OTUD7B: variants seen among roughly 807,000 people sequenced by gnomAD.
OTUD7B encodes OTU domain-containing protein 7B.
OTUD7B carries 34 observed loss-of-function variants against 82.2 expected under a neutral mutation model. The observed-to-expected ratio is 0.41, with a 90% CI of 0.31 to 0.55. OTUD7B has a LOEUF of 0.55. Among genes scored for constraint, OTUD7B ranks in the 20% least tolerant of loss-of-function variants. The pLI is 0.20. For missense variants in OTUD7B, 944 were observed against 1,062.1 expected (o/e 0.89, Z 1.55); for synonymous variants, 398 against 402.7 (o/e 0.99, Z 0.14).
chr1:150,006,904 C>T (rs587762944), intron 1 of OTUD7B, among the ~76,000 whole-genome samples: 1 of 152,338 alleles, frequency 6.6e-6, no homozygotes, highest in East Asian at 1.9e-4. Flanking sequence ...GGATGCCTGC[C>T]TGATTCCTTG....
chr1:149,982,427 A>G (rs1553779925), intron 1 of OTUD7B, among the ~76,000 whole-genome samples: 1 of 152,006 alleles, frequency 6.6e-6, no homozygotes, highest in Non-Finnish European at 1.5e-5. Context: ...TATCTCTCGT[A>G]TTTATCAAAG....
At chr1:149,968,033 G>A (rs1348366133) in intron 3 of OTUD7B, among the ~76,000 whole-genome samples, 1 of 151,986 alleles carries the variant, frequency 6.6e-6, no homozygotes, top group African/African-American at 2.4e-5. Context: ...GGAGGCCAAG[G>A]CAGGTGGATC....
the OTUD7B span, among the ~76,000 whole-genome samples, chr1:150,017,364 G>A: frequency 6.6e-6 from 1 of 152,202 alleles, no homozygotes; most frequent in Admixed American, 6.5e-5. Flanking sequence ...AAGATTGGGT[G>A]TGTTTCTAGT....
rs1458504169 is a variant in OTUD7B, at chr1:149,950,977, ATTT to A, written c.846-759_846-757del. On this transcript the variant is annotated intron_variant, in intron 7 of 11. Coordinates refer to ENST00000581312, the MANE Select transcript of OTUD7B (RefSeq NM_020205.4). ...CGGTCTAATTTTTTGTACTTTTTGT[ATTT>A]TTTTTTTTTTTTTTTTTTTGTAGAT... Among the ~76,000 whole-genome samples the A allele has an allele frequency of 1.6e-3, 35 of 22,412 alleles. 5 individuals carry two copies. Among genetic ancestry groups the A allele is most frequent in the African/African-American group, 5.8e-3 (27 of 4,692 alleles). 14.7% of individuals were successfully genotyped at this position (22,412 alleles called of 152,430 possible).
the OTUD7B span, among the ~76,000 whole-genome samples, chr1:150,062,285 TCTG>T: frequency 6.6e-6 from 1 of 152,216 alleles, no homozygotes; most frequent in Admixed American, 6.5e-5. Flanking sequence ...TTTTTACACT[TCTG>T]CTGGCAATAT....
At chr1:149,960,335 T>C (rs1003265042) in intron 6 of OTUD7B, among the ~76,000 whole-genome samples, 9 of 151,558 alleles carry the variant, frequency 5.9e-5, no homozygotes, top group African/African-American at 2.2e-4. Flanking sequence ...GTATGGTATA[T>C]ACCATCTATC....
Position 149,972,128 on chromosome 1 carries a change from T to A in OTUD7B, c.86-877A>T, listed in dbSNP as rs191797057. ...CAAGGCTTTGTATGTCCTGGCCTAC[T>A]TTTCTGGCCTCTTCTCTGTGCTTCA... On this transcript the variant is annotated intron_variant, in intron 2 of 11. Transcript: ENST00000581312. Among the ~76,000 whole-genome samples, 3 of 152,346 alleles carry A rather than the reference T, an allele frequency of 2.0e-5. No homozygotes were observed. In the East Asian group the frequency reaches 5.8e-4, roughly 29 times the overall value.
chr1:150,014,641 A>T (rs1653217836), upstream of OTUD7B, among the ~76,000 whole-genome samples: 1 of 152,244 alleles, frequency 6.6e-6, no homozygotes, highest in African/African-American at 2.4e-5. Context: ...CAAATTTAAA[A>T]AACAAATGAT....
At chr1:150,055,260 G>C in the OTUD7B span, among the ~76,000 whole-genome samples, 3 of 151,942 alleles carry the variant, frequency 2.0e-5, no homozygotes, top group Non-Finnish European at 4.4e-5. Context: ...AGATAGTCTC[G>C]ATCTCCTGAC....
the OTUD7B span, among the ~76,000 whole-genome samples, chr1:150,059,298 C>CA: frequency 1.1e-4 from 3 of 27,206 alleles, no homozygotes; most frequent in Middle Eastern, 6.0e-3. Flanking sequence ...CGTGATCCAC[C>CA]CCCCCCCCCC....
At chr1:149,999,348 C>G (rs914174501) in intron 1 of OTUD7B, among the ~76,000 whole-genome samples, 2 of 152,132 alleles carry the variant, frequency 1.3e-5, no homozygotes, top group Non-Finnish European at 2.9e-5. Flanking sequence ...CTCTCAAATT[C>G]TATTTTCAGA....
chr1:150,025,799 C>T, the OTUD7B span, among the ~76,000 whole-genome samples: 1 of 152,312 alleles, frequency 6.6e-6, no homozygotes, highest in African/African-American at 2.4e-5. Context: ...GGTCAGTTTT[C>T]TAGCCCTAGA....
At chr1:149,989,547 A>C (rs1485547757) in intron 1 of OTUD7B, among the ~76,000 whole-genome samples, 3 of 149,658 alleles carry the variant, frequency 2.0e-5, no homozygotes, top group African/African-American at 7.4e-5. Context: ...TCCCAGTGAG[A>C]CCCATCTCTA....
intron 7 of OTUD7B, among the ~76,000 whole-genome samples, chr1:149,951,893 C>CTT (rs34263065): frequency 2.6e-4 from 38 of 147,916 alleles, no homozygotes; most frequent in East Asian, 9.8e-4. Context: ...CATGGTCAAC[C>CTT]TTTTTTTTTT....
At chr1:149,977,278 G>T (rs1650388366) in intron 2 of OTUD7B, 148 bp downstream of exon 2, 3 of 576,896 alleles carry the variant, frequency 5.2e-6, no homozygotes, top group Non-Finnish European at 9.3e-6. Context: ...ATTATGACGG[G>T]TTATACACAA....
the OTUD7B span, among the ~76,000 whole-genome samples, chr1:150,032,347 G>C: frequency 2.0e-5 from 3 of 150,698 alleles, no homozygotes; most frequent in Non-Finnish European, 4.4e-5. Flanking sequence ...CACACCATGA[G>C]GCCAGGCATG....
chr1:150,014,056 ATATGTG>A (rs1256540971), upstream of OTUD7B, among the ~76,000 whole-genome samples: 15 of 77,344 alleles, frequency 1.9e-4, no homozygotes, highest in African/African-American at 6.8e-4. Context: ...GTGTGTATAT[ATATGTG>A]TGTGTGTGTG....
At chr1:149,966,464 A>T (rs1649525643) in intron 4 of OTUD7B, among the ~76,000 whole-genome samples, 1 of 152,236 alleles carries the variant, frequency 6.6e-6, no homozygotes, top group South Asian at 2.1e-4. Flanking sequence ...ATCTGCATAT[A>T]TGACAGCATG....
At chr1:149,966,514 A>C (rs1553776582) in intron 4 of OTUD7B, among the ~76,000 whole-genome samples, 2 of 152,210 alleles carry the variant, frequency 1.3e-5, no homozygotes, top group Non-Finnish European at 2.9e-5. Flanking sequence ...AATGAGCAAT[A>C]AGATAAAGTA....
Sources: gnomAD v4.1 joint callset for allele counts (sites outside exome capture counted in the v4.1 genomes callset) on GRCh38, gnomAD v4.1.1 for gene constraint, MANE v1.5 for transcripts, NCBI Gene and HGNC (gene_info 2026-07-23, HGNC 2026-07-21) for gene names.